The following ZFHX3 variants were observed in gnomAD, a reference collection of about 807,000 sequenced individuals.
ZFHX3 encodes zinc finger homeobox 3.
A neutral mutation model predicts 279.1 loss-of-function variants in ZFHX3; 42 were observed. The observed-to-expected ratio is 0.15, with a 90% CI of 0.12 to 0.19. ZFHX3 has a LOEUF of 0.19. Among genes scored for constraint, ZFHX3 ranks in the 10% least tolerant of loss-of-function variants. ZFHX3 has a pLI of 1.00. For synonymous variants in ZFHX3, 2,293 were observed against 1,957.8 expected (o/e 1.17, Z -4.52); for missense variants, 4,981 against 4,754.0 (o/e 1.05, Z -1.40).
intron 3 of ZFHX3, among the ~76,000 whole-genome samples, chr16:73,334,910 T>C (rs966095958): frequency 6.6e-6 from 1 of 151,124 alleles, no homozygotes; most frequent in Non-Finnish European, 1.5e-5. Context: ...ATGGCTTGTT[T>C]TGTTCTTGAG....
intron 1 of ZFHX3, among the ~76,000 whole-genome samples, chr16:73,795,074 C>A (rs935567076): frequency 6.6e-6 from 1 of 152,180 alleles, no homozygotes; most frequent in African/African-American, 2.4e-5. Context: ...TTGGCTCAAG[C>A]AAACACATAC....
At chr16:73,711,467 C>G (rs2053362208) in intron 1 of ZFHX3, among the ~76,000 whole-genome samples, 1 of 152,126 alleles carries the variant, frequency 6.6e-6, no homozygotes, top group African/African-American at 2.4e-5. Flanking sequence ...AAATGCAAAT[C>G]TCTGAATCTG....
At chr16:73,319,301 G>C (rs2015523406) in intron 3 of ZFHX3, among the ~76,000 whole-genome samples, 1 of 152,004 alleles carries the variant, frequency 6.6e-6, no homozygotes, top group African/African-American at 2.4e-5. Context: ...AGGCAGACGA[G>C]ATACATGTCC....
chr16:73,148,555 C>CTTTTTTTTT (rs36018349), intron 5 of ZFHX3, among the ~76,000 whole-genome samples: 10 of 55,414 alleles, frequency 1.8e-4, no homozygotes, highest in South Asian at 1.2e-3. Context: ...AAATGCTGGG[C>CTTTTTTTTT]TTTTTTTTTT....
At chr16:73,235,724 G>T (rs2012924840) in intron 5 of ZFHX3, among the ~76,000 whole-genome samples, 1 of 152,044 alleles carries the variant, frequency 6.6e-6, no homozygotes, top group African/African-American at 2.4e-5. Flanking sequence ...CCATGCTGGA[G>T]TGCAGTGGTG....
At chr16:72,882,174 T>C (rs1475533297) in intron 4 of ZFHX3, among the ~76,000 whole-genome samples, 1 of 6,566 alleles carries the variant, frequency 1.5e-4, no homozygotes, top group African/African-American at 1.0e-3. Context: ...CCTTTTTCCT[T>C]TTTTTTTTTT....
chr16:73,758,881 G>A (rs1271102568), intron 1 of ZFHX3, among the ~76,000 whole-genome samples: 1 of 152,116 alleles, frequency 6.6e-6, no homozygotes, highest in African/African-American at 2.4e-5. Context: ...TCACCTCTTG[G>A]TTTTATACAG....
intron 2 of ZFHX3, among the ~76,000 whole-genome samples, chr16:73,502,494 G>T (rs1194933073): frequency 1.3e-5 from 2 of 152,106 alleles, no homozygotes; most frequent in African/African-American, 2.4e-5. Context: ...AAGTGGTCTG[G>T]CCCAAAATGC....
chr16:73,323,367 G>A (rs1156764405), intron 3 of ZFHX3, among the ~76,000 whole-genome samples: 1 of 152,194 alleles, frequency 6.6e-6, no homozygotes, highest in Non-Finnish European at 1.5e-5. Context: ...GGTCTGATAA[G>A]TGGGAGGAAA....
intron 5 of ZFHX3, among the ~76,000 whole-genome samples, chr16:72,824,277 C>T (rs554849720): frequency 6.6e-6 from 1 of 152,330 alleles, no homozygotes; most frequent in East Asian, 1.9e-4. Context: ...CCCTAACAGT[C>T]ACCCAGACCT....
intron 1 of ZFHX3, among the ~76,000 whole-genome samples, chr16:73,891,067 T>C (rs757244541): frequency 3.7e-5 from 5 of 135,094 alleles, no homozygotes; most frequent in African/African-American, 8.4e-5. Context: ...TCACATTTAA[T>C]TCATTGCATC....
chr16:73,127,903 AAATGTGAATAG>A (rs1382240881), intron 7 of ZFHX3, among the ~76,000 whole-genome samples: 4 of 152,188 alleles, frequency 2.6e-5, no homozygotes, highest in Non-Finnish European at 5.9e-5. Flanking sequence ...TTGGCCAATG[AAATGTGAATAG>A]AAGTGATGCA....
chr16:73,056,129 C>T (rs1344732551), intron 1 of ZFHX3, among the ~76,000 whole-genome samples: 3 of 152,194 alleles, frequency 2.0e-5, no homozygotes, highest in Admixed American at 1.3e-4. Flanking sequence ...ACCTCATCTT[C>T]CCAAACCGCA....
chr16:73,243,215 G>C (rs1190146674), intron 5 of ZFHX3, among the ~76,000 whole-genome samples: 9 of 152,204 alleles, frequency 5.9e-5, no homozygotes. Flanking sequence ...TATAGGCCTG[G>C]TGGGATGGGT....
intron 4 of ZFHX3, among the ~76,000 whole-genome samples, chr16:73,282,880 T>C (rs531645005): frequency 2.2e-4 from 33 of 152,240 alleles, no homozygotes; most frequent in Non-Finnish European, 3.7e-4. Context: ...TTTGTCATTT[T>C]TGTGTTCAAT....
intron 1 of ZFHX3, among the ~76,000 whole-genome samples, chr16:73,016,616 T>A (rs1964111649): frequency 6.6e-6 from 1 of 152,140 alleles, no homozygotes; most frequent in African/African-American, 2.4e-5. Flanking sequence ...AGAAATAGAA[T>A]CCTGTCTTCC....
chr16:72,791,980 A>C (rs1763267037), intron 9 of ZFHX3, among the ~76,000 whole-genome samples: 1 of 152,218 alleles, frequency 6.6e-6, no homozygotes, highest in Admixed American at 6.5e-5. Flanking sequence ...CACATTTTGA[A>C]GGCAAGGTAG....
intron 1 of ZFHX3, among the ~76,000 whole-genome samples, chr16:73,880,933 A>G (rs542533636): frequency 6.6e-6 from 1 of 152,288 alleles, no homozygotes; most frequent in South Asian, 2.1e-4. Context: ...GAGTATGAAC[A>G]CATTTTTAAC....
At position 72,798,190 on chromosome 16, in the gene ZFHX3, C is replaced by A; in HGVS notation, c.4492G>T (p.Asp1498Tyr). The A allele has an allele frequency of 6.2e-7, 1 of 1,614,196 alleles. No individual in the cohort carries two copies. Among genetic ancestry groups the A allele is most frequent in the Non-Finnish European group, 8.5e-7 (1 of 1,180,032 alleles). ...GTTGGGCTCTGTTTATCTTCCAAGT[C>A]ACTCTCTTCCTCCTTGTCTTCCTCA... is the stretch of plus-strand genomic sequence containing the variant. Reference protein sequence around the residue: ...IVEEDKEEESDLEDKQSPTGS... With the variant: ...IVEEDKEEESYLEDKQSPTGS... Residue 1498 changes from aspartate to tyrosine, a missense_variant, in exon 9 of 10, where the codon GAC becomes TAC. Physicochemically the swap from Asp to Tyr is radical, Grantham distance 160 (BLOSUM62 -3). Transcript: ENST00000268489.
Sources: allele counts gnomAD v4.1 joint callset (sites outside exome capture counted in the v4.1 genomes callset), GRCh38; gene constraint gnomAD v4.1.1; transcripts MANE v1.5; gene names NCBI Gene and HGNC (gene_info 2026-07-23, HGNC 2026-07-21).